ZNF559: variants seen among roughly 807,000 people sequenced by gnomAD.
ZNF559 encodes zinc finger protein 559, also known as putative protein product of Nbla00121.
ZNF559 carries 17 observed loss-of-function variants against 14.2 expected under a neutral mutation model. The ratio of observed to expected loss-of-function variants is 1.20; its 90% CI spans 0.82 to 1.80. The LOEUF is 1.80. Ranked by LOEUF, ZNF559 falls within the 40% of genes most tolerant of loss-of-function variation. The pLI is 0.00. For synonymous variants in ZNF559, 244 were observed against 212.4 expected (o/e 1.15, Z -1.29); for missense variants, 740 against 629.7 (o/e 1.18, Z -1.88).
In ZNF559 at chr19:9,337,865, G is replaced by A; in HGVS notation, c.-57+7G>A. 2 of 1,515,258 alleles carry A rather than the reference G, an allele frequency of 1.3e-6. No homozygotes were observed. Among genetic ancestry groups the A allele is most frequent in the Non-Finnish European group, 1.8e-6 (2 of 1,135,334 alleles). 93.9% of individuals were successfully genotyped at this position (1,515,258 alleles called of 1,614,324 possible). A position where few individuals can be genotyped will look rare whatever the true frequency, so the allele number is the denominator to read the frequency against. Reference sequence around the variant, plus strand: ...TGTTGCTGAAAGATTGACGGTATGAGGCAAGACTCCCACTACTACTTAATC... The same window carrying A: ...TGTTGCTGAAAGATTGACGGTATGAAGCAAGACTCCCACTACTACTTAATC... On this transcript the variant is annotated splice_region_variant and intron_variant, in intron 3 of 6. Coordinates refer to ENST00000603380, the MANE Select transcript of ZNF559 (RefSeq NM_032497.3).
intron 2 of ZNF559, among the ~76,000 whole-genome samples, chr19:9,330,872 G>A (rs1243284279): frequency 1.3e-5 from 2 of 152,108 alleles, no homozygotes; most frequent in Non-Finnish European, 2.9e-5. Flanking sequence ...CATGCTATTT[G>A]TAGGTTTGCT....
chr19:9,338,353 C>T, intron 3 of ZNF559, 141 bp from the exon 4 acceptor site: 1 of 637,936 alleles, frequency 1.6e-6, no homozygotes, highest in Non-Finnish European at 2.7e-6. Flanking sequence ...TATTTTCTGG[C>T]TTCAGGTGAG....
chr19:9,339,178 T>C lies in ZNF559; in HGVS notation c.34-15T>C. On this transcript the variant is annotated splice_polypyrimidine_tract_variant and intron_variant, in intron 4 of 6. Coordinates refer to ENST00000603380, the MANE Select transcript of ZNF559 (RefSeq NM_032497.3). ...AACGTACTTGCCTGACGCCAGCATG[T>C]GTGTGATGGTTTAGGACTCAGTGAC... is the stretch of plus-strand genomic sequence containing the variant. 1 of 1,613,284 alleles carries C rather than the reference T, an allele frequency of 6.2e-7. No homozygotes were observed. Among genetic ancestry groups the C allele is most frequent in the Non-Finnish European group, 8.5e-7 (1 of 1,179,468 alleles).
Position 9,326,897 on chromosome 19 carries a change from G to T in ZNF559, c.-120+2117G>T, listed in dbSNP as rs183443738. Among the ~76,000 whole-genome samples the T allele has an allele frequency of 1.0e-3, 152 of 152,208 alleles. 2 individuals are homozygous for T. Among genetic ancestry groups the T allele is most frequent in the Admixed American group, 5.4e-3 (82 of 15,294 alleles). ...CAGGTTGTTCCAAACATACTTAAAA[G>T]TTTTTCAATAACAATTTTATTTTTA... On this transcript the variant is annotated intron_variant, in intron 2 of 6. Coordinates refer to ENST00000603380, the MANE Select transcript of ZNF559 (RefSeq NM_032497.3).
chr19:9,341,406 T>C (rs755245133), intron 6 of ZNF559: 3 of 751,262 alleles, frequency 4.0e-6, no homozygotes, highest in African/African-American at 1.7e-5. Flanking sequence ...CATTCCCATA[T>C]GTATCTCAGA....
chr19:9,341,949 A>C lies in ZNF559; in HGVS notation c.498A>C (p.Lys166Asn), dbSNP rs150162447. 6 of 1,613,876 alleles carry C rather than the reference A, an allele frequency of 3.7e-6. No individual in the cohort carries two copies. The highest frequency in any genetic ancestry group is 5.1e-6 in the Non-Finnish European group (6 of 1,179,944). The part of the protein sequence containing the change: ...FSQHLHLVCK[K>N]TSQNLHLVCK... ...AACATCTACATCTTGTTTGCAAGAA[A>C]ACTAGCCAAAATCTACATCTTGTTT... is the stretch of plus-strand genomic sequence containing the variant. Residue 166 changes from lysine (K) to asparagine (N), a missense_variant, in exon 7 of 7, where the codon AAA becomes AAC. Coordinates refer to ENST00000603380, the MANE Select transcript of ZNF559 (RefSeq NM_032497.3).
chr19:9,343,198 T>A lies in ZNF559; in HGVS notation c.*130T>A. 6.7e-7 allele frequency: 1 copy of A among 1,481,624 alleles called. No homozygotes were observed. Among genetic ancestry groups the A allele is most frequent in the African/African-American group, 1.4e-5 (1 of 70,906 alleles). The allele number at this position is 1,481,624 out of a possible 1,614,324, so 91.8% of individuals were successfully genotyped here. A position where few individuals can be genotyped will look rare whatever the true frequency, so the allele number is the denominator to read the frequency against. On this transcript the variant is annotated 3_prime_UTR_variant, in exon 7 of 7. Transcript: ENST00000603380. ...GGGAAGCCTTCCTTGGTGTCTCAGA[T>A]CTTAACAATTCCAATAGAAGAGAAG...
At chr19:9,338,471 A>G in intron 3 of ZNF559, 23 bp from the exon 4 acceptor site, 1 of 1,588,120 alleles carries the variant, frequency 6.3e-7, no homozygotes, top group Non-Finnish European at 8.6e-7. Flanking sequence ...CTGGATTCTC[A>G]GATTTTATTT....
rs530184622 is a variant in ZNF559 at position 9,337,849 on chromosome 19, AAGAT to A, written c.-65_-62del. On this transcript the variant is annotated 5_prime_UTR_variant, in exon 3 of 7. The change creates a new upstream start codon in the 5' untranslated region. Coordinates refer to ENST00000603380, the MANE Select transcript of ZNF559 (RefSeq NM_032497.3). Reference sequence around the variant, plus strand: ...ACAGATGAGTAATGCCTGTTGCTGAAAGATTGACGGTATGAGGCAAGACTCCCAC... The same window carrying A: ...ACAGATGAGTAATGCCTGTTGCTGAATGACGGTATGAGGCAAGACTCCCAC... The A allele has an allele frequency of 2.0e-6, 3 of 1,493,974 alleles. No homozygotes were observed. Among genetic ancestry groups the A allele is most frequent in the Non-Finnish European group, 2.7e-6 (3 of 1,124,948 alleles). 92.5% of individuals were successfully genotyped at this position (1,493,974 alleles called of 1,614,324 possible). A position where few individuals can be genotyped will look rare whatever the true frequency, so the allele number is the denominator to read the frequency against.
chr19:9,343,091 A>G lies in ZNF559; in HGVS notation c.*23A>G. On this transcript the variant is annotated 3_prime_UTR_variant, in exon 7 of 7. Coordinates refer to ENST00000603380, the MANE Select transcript of ZNF559 (RefSeq NM_032497.3). Reference sequence around the variant, plus strand: ...TGAATTGGGGCTGATACTTGGAAAGAATGTGGTAAAGCCACTACTTCCTCA... The same window carrying G: ...TGAATTGGGGCTGATACTTGGAAAGGATGTGGTAAAGCCACTACTTCCTCA... 1 of 1,588,802 alleles carries G rather than the reference A, an allele frequency of 6.3e-7. No individual in the cohort carries two copies. The highest frequency in any genetic ancestry group is 8.5e-7 in the Non-Finnish European group (1 of 1,169,880).
At chr19:9,337,290 A>T (rs2067291796) in intron 2 of ZNF559, among the ~76,000 whole-genome samples, 4 of 152,246 alleles carry the variant, frequency 2.6e-5, no homozygotes, top group Admixed American at 6.5e-5. Context: ...TAGCATACAC[A>T]ATCTGGTCAC....
intron 2 of ZNF559, among the ~76,000 whole-genome samples, chr19:9,334,200 T>C (rs2067099795): frequency 6.6e-6 from 1 of 152,258 alleles, no homozygotes. Context: ...TAAACCATGC[T>C]ATACTGGTTA....
upstream of ZNF559, chr19:9,324,073 C>A: frequency 1.5e-6 from 2 of 1,345,970 alleles, no homozygotes; most frequent in Non-Finnish European, 2.0e-6. Flanking sequence ...TTCCTCTCAG[C>A]TCTGGGTTGG....
At chr19:9,326,657 T>C (rs1175644418) in intron 2 of ZNF559, among the ~76,000 whole-genome samples, 1 of 152,230 alleles carries the variant, frequency 6.6e-6, no homozygotes, top group African/African-American at 2.4e-5. Flanking sequence ...TCATTTTTAA[T>C]ATATTAAAAA....
chr19:9,324,519 G>C, intron 1 of ZNF559, 176 bp from the exon 2 acceptor site: 7 of 1,302,586 alleles, frequency 5.4e-6, no homozygotes, highest in Non-Finnish European at 7.1e-6. Context: ...AGGGCCCGGC[G>C]CGGCGGCTCA....
chr19:9,332,067 C>T (rs912207367), intron 2 of ZNF559, among the ~76,000 whole-genome samples: 1 of 152,078 alleles, frequency 6.6e-6, no homozygotes, highest in African/African-American at 2.4e-5. Flanking sequence ...AAAAAGCAGT[C>T]GTTTTTGTTA....
At chr19:9,327,246 T>TG (rs908009601) in intron 2 of ZNF559, among the ~76,000 whole-genome samples, 7 of 133,498 alleles carry the variant, frequency 5.2e-5, no homozygotes, top group African/African-American at 1.5e-4. Context: ...GTTTTGTTTT[T>TG]TTTTGTTTTT....
chr19:9,340,526 A>G (rs1568366420), intron 5 of ZNF559, among the ~76,000 whole-genome samples: 1 of 148,722 alleles, frequency 6.7e-6, no homozygotes, highest in East Asian at 2.0e-4. Flanking sequence ...ATAAAGTCTC[A>G]ATGTTTAGAG....
Position 9,337,848 on chromosome 19 carries a change from A to G in ZNF559, c.-67A>G. The G allele has an allele frequency of 1.3e-6, 2 of 1,493,116 alleles. No homozygotes were observed. The highest frequency in any genetic ancestry group is 1.8e-6 in the Non-Finnish European group (2 of 1,124,514). The allele number at this position is 1,493,116 out of a possible 1,614,324, so 92.5% of individuals were successfully genotyped here. A position where few individuals can be genotyped will look rare whatever the true frequency, so the allele number is the denominator to read the frequency against. ...GACAGATGAGTAATGCCTGTTGCTG[A>G]AAGATTGACGGTATGAGGCAAGACT... is the stretch of plus-strand genomic sequence containing the variant. On this transcript the variant is annotated 5_prime_UTR_variant, in exon 3 of 7. An upstream open reading frame in the 5' UTR loses its in-frame stop. Coordinates refer to ENST00000603380, the MANE Select transcript of ZNF559 (RefSeq NM_032497.3).
Sources: allele counts gnomAD v4.1 joint callset (sites outside exome capture counted in the v4.1 genomes callset), GRCh38; gene constraint gnomAD v4.1.1; transcripts MANE v1.5; gene names NCBI Gene and HGNC (gene_info 2026-07-23, HGNC 2026-07-21).